PLXDC1: variants seen among roughly 807,000 people sequenced by gnomAD.
PLXDC1 encodes plexin domain-containing protein 1.
A neutral mutation model predicts 61.3 loss-of-function variants in PLXDC1; 39 were observed. The observed-to-expected ratio is 0.64, with a 90% CI of 0.49 to 0.83. PLXDC1 has a LOEUF of 0.83. Among genes scored for constraint, PLXDC1 ranks in the 40% least tolerant of loss-of-function variants. The pLI is 0.00. For synonymous variants in PLXDC1, 212 were observed against 254.5 expected (o/e 0.83, Z 1.59); for missense variants, 596 against 666.5 (o/e 0.89, Z 1.17).
chr17:39,152,942 C>T (rs2045384032), upstream of PLXDC1: 1 of 330,480 alleles, frequency 3.0e-6, no homozygotes, highest in Non-Finnish European at 5.4e-6. Flanking sequence ...AAGGCAAGGC[C>T]GGTCTGTAAA....
intron 12 of PLXDC1, among the ~76,000 whole-genome samples, chr17:39,071,078 C>T (rs1256797996): frequency 6.6e-6 from 1 of 152,158 alleles, no homozygotes; most frequent in Non-Finnish European, 1.5e-5. Flanking sequence ...CCAACAGTCA[C>T]CCTCTGAGAA....
chr17:39,145,142 C>T (rs1221994323), intron 1 of PLXDC1, among the ~76,000 whole-genome samples: 2 of 152,076 alleles, frequency 1.3e-5, no homozygotes, highest in Non-Finnish European at 2.9e-5. Context: ...CCCACTGTTT[C>T]CCAGGGTGCA....
rs535128410 is a variant in PLXDC1 at position 39,086,690 on chromosome 17, T to G, written c.907+917A>C. 1.7e-4 allele frequency among the ~76,000 whole-genome samples: 26 copies of G among 151,506 alleles called. No individual in the cohort carries two copies. The South Asian group carries it at 3.5e-3, about 21-fold the overall frequency. ...CAGCCTGGCCGACAGAGTGAAACCC[T>G]ATTTCTATTAAAAATACAAAAATTA... On this transcript the variant is annotated intron_variant, in intron 8 of 13. Transcript: ENST00000315392.
chr17:39,091,864 C>T (rs909861053), intron 7 of PLXDC1, among the ~76,000 whole-genome samples: 4 of 147,892 alleles, frequency 2.7e-5, no homozygotes, highest in South Asian at 2.1e-4. Flanking sequence ...GAGGCTAAGG[C>T]GGGAGAATTG....
In PLXDC1 at chr17:39,126,479, C is replaced by A. The variant is rs192695415; in HGVS notation, c.255+13175G>T. Among the ~76,000 whole-genome samples the A allele has an allele frequency of 3.9e-3, 591 of 152,158 alleles. 2 individuals carry two copies. Among genetic ancestry groups the A allele is most frequent in the Middle Eastern group, 0.031 (9 of 292 alleles). ...ATAAAGTCAAACTACTAAATAAAGACCAAAACACTTCTAATATTAAACAGA... is the reference window on the plus strand; with the variant it reads ...ATAAAGTCAAACTACTAAATAAAGAACAAAACACTTCTAATATTAAACAGA... On this transcript the variant is annotated intron_variant, in intron 2 of 13. Transcript: ENST00000315392.
rs953779618 is a variant in PLXDC1, at chr17:39,066,695, C to G, written c.*1145G>C. ...CTGCCTCCCAGGTTCAAGTGATTCT[C>G]GTGTCTCAGCTTCCTGAGTAGCTGG... On this transcript the variant is annotated 3_prime_UTR_variant, in exon 14 of 14. Coordinates refer to ENST00000315392, the MANE Select transcript of PLXDC1 (RefSeq NM_020405.5). 1 of 152,164 alleles carries G rather than the reference C, an allele frequency of 6.6e-6. No individual in the cohort carries two copies. Among genetic ancestry groups the G allele is most frequent in the Non-Finnish European group, 1.5e-5 (1 of 68,040 alleles). 9.4% of individuals were successfully genotyped at this position (152,164 alleles called of 1,614,324 possible).
At chr17:39,096,848 C>T (rs1567759704) in intron 7 of PLXDC1, 3 of 454,340 alleles carry the variant, frequency 6.6e-6, no homozygotes, top group Admixed American at 2.4e-5. Context: ...TGACTTCCGG[C>T]GGTCTCCCCA....
intron 10 of PLXDC1, among the ~76,000 whole-genome samples, 171 bp downstream of exon 10, chr17:39,078,933 T>G (rs148725852): frequency 4.6e-5 from 7 of 152,288 alleles, no homozygotes; most frequent in Admixed American, 2.6e-4. Flanking sequence ...CCTTCCAAAG[T>G]GGGTCTGATT....
chr17:39,103,330 G>A (rs541326533), intron 7 of PLXDC1, among the ~76,000 whole-genome samples: 4 of 152,204 alleles, frequency 2.6e-5, no homozygotes, highest in African/African-American at 9.6e-5. Context: ...GAGCCCAGGA[G>A]TTTGAGACCA....
intron 7 of PLXDC1, among the ~76,000 whole-genome samples, chr17:39,097,340 C>G (rs1477598442): frequency 6.6e-6 from 1 of 152,174 alleles, no homozygotes; most frequent in Non-Finnish European, 1.5e-5. Flanking sequence ...GATGGCTCTT[C>G]CTGAACTTCT....
In PLXDC1 at chr17:39,107,431, G is replaced by A. The variant is rs751805975; in HGVS notation, c.687C>T (p.Gly229=). 2.5e-6 allele frequency: 4 copies of A among 1,612,552 alleles called. No homozygotes were observed. In the South Asian group the frequency reaches 4.4e-5, roughly 18 times the overall value. ...FTFQAALHHD[G]RIVFAYKEIP... is the part of the protein sequence containing the mutation. ...CCTCTTTATAGGCAAAGACAATGCG[G>A]CCGTCATGGTGCAGAGCTGCCTGGA... Residue 229 remains glycine (G), a synonymous_variant, in exon 6 of 14, where the codon GGC becomes GGT. Coordinates refer to ENST00000315392, the MANE Select transcript of PLXDC1 (RefSeq NM_020405.5).
rs762847332 is a variant in PLXDC1 at position 39,070,019 on chromosome 17, G to A, written c.1223-3C>T. On this transcript the variant is annotated splice_polypyrimidine_tract_variant and splice_region_variant and intron_variant, in intron 12 of 13. Coordinates refer to ENST00000315392, the MANE Select transcript of PLXDC1 (RefSeq NM_020405.5). ...GGGGGACAGGTTGTTCTGAAGGCCT[G>A]TGGAGAGATCATTAGGGCAGACAGG... 3.1e-6 allele frequency: 5 copies of A among 1,612,076 alleles called. No homozygotes were observed. The highest frequency in any genetic ancestry group is 2.2e-5 in the South Asian group (2 of 91,010).
intron 11 of PLXDC1, among the ~76,000 whole-genome samples, chr17:39,077,021 C>T (rs1041969103): frequency 6.6e-6 from 1 of 152,136 alleles, no homozygotes; most frequent in Non-Finnish European, 1.5e-5. Context: ...GCGTGAGCCA[C>T]CGCGCCCGGC....
rs1013723628 is a variant in PLXDC1 at position 39,067,969 on chromosome 17, G to T, written c.1384-10C>A. On this transcript the variant is annotated splice_polypyrimidine_tract_variant and intron_variant, in intron 13 of 13. Transcript: ENST00000315392. ...AGTGGTGAGGTCTACGCTGCAGAAGGCACAGAGGCAAAGTCAGTGGGCATG... is the reference window on the plus strand; with the variant it reads ...AGTGGTGAGGTCTACGCTGCAGAAGTCACAGAGGCAAAGTCAGTGGGCATG... The T allele has an allele frequency of 1.2e-6, 2 of 1,612,920 alleles. No individual in the cohort carries two copies. Among genetic ancestry groups the T allele is most frequent in the East Asian group, 2.2e-5 (1 of 44,870 alleles).
chr17:39,128,085 C>CTATGTATATATATA (rs1567769437), intron 2 of PLXDC1, among the ~76,000 whole-genome samples: 1 of 91,578 alleles, frequency 1.1e-5, no homozygotes, highest in South Asian at 4.1e-4. Context: ...CTCTCTCTCT[C>CTATGTATATATATA]TCTCTCTATG....
At chr17:39,114,662 A>AG (rs1910910712) in intron 2 of PLXDC1, among the ~76,000 whole-genome samples, 1 of 152,358 alleles carries the variant, frequency 6.6e-6, no homozygotes, top group African/African-American at 2.4e-5. Context: ...CCTGTTTTAC[A>AG]GGTACCACTA....
At chr17:39,148,118 G>A (rs1268822249) in intron 1 of PLXDC1, among the ~76,000 whole-genome samples, 1 of 152,060 alleles carries the variant, frequency 6.6e-6, no homozygotes, top group East Asian at 1.9e-4. Flanking sequence ...AGAGAAGATG[G>A]TGGGATGAGG....
chr17:39,146,163 C>T (rs1411766102), intron 1 of PLXDC1, among the ~76,000 whole-genome samples: 1 of 151,038 alleles, frequency 6.6e-6, no homozygotes, highest in Non-Finnish European at 1.5e-5. Context: ...CTCCACCTCT[C>T]GGGTTCAAGC....
At chr17:39,081,248 A>G (rs1484294861) in intron 9 of PLXDC1, 1 of 152,536 alleles carries the variant, frequency 6.6e-6, no homozygotes, top group Non-Finnish European at 1.5e-5. Context: ...GGAAGAACCA[A>G]CCTGGGGTCT....
Sources: allele counts gnomAD v4.1 joint callset (sites outside exome capture counted in the v4.1 genomes callset), GRCh38; gene constraint gnomAD v4.1.1; transcripts MANE v1.5; gene names NCBI Gene and HGNC (gene_info 2026-07-23, HGNC 2026-07-21).